The following VPS13D variants were observed in gnomAD, a reference collection of about 807,000 sequenced individuals.
VPS13D encodes intermembrane lipid transfer protein VPS13D.
In VPS13D, 187 loss-of-function variants were observed where a neutral mutation model predicts 461.9. The observed-to-expected ratio is 0.40, with a 90% CI of 0.36 to 0.46. VPS13D has a LOEUF of 0.46. Among genes scored for constraint, VPS13D ranks in the 20% least tolerant of loss-of-function variants. VPS13D has a pLI of 0.60. For synonymous variants in VPS13D, 1,951 were observed against 1,986.3 expected (o/e 0.98, Z 0.47); for missense variants, 4,711 against 5,364.9 (o/e 0.88, Z 3.81).
intron 65 of VPS13D, among the ~76,000 whole-genome samples, chr1:12,436,175 A>C (rs1645057887): frequency 6.6e-6 from 1 of 152,212 alleles, no homozygotes; most frequent in Non-Finnish European, 1.5e-5. Flanking sequence ...ACTTGCAGTC[A>C]CACACATGTG....
At chr1:12,292,719 G>A (rs1406516662) in intron 23 of VPS13D, among the ~76,000 whole-genome samples, 3 of 152,064 alleles carry the variant, frequency 2.0e-5, no homozygotes, top group South Asian at 2.1e-4. Context: ...GATTACAGGC[G>A]TGAGCCACCG....
rs577527852 is a variant in VPS13D, at chr1:12,319,587, G to A, written c.7505G>A (p.Arg2502Gln). The change falls in exon 32 of 70, where the codon CGG becomes CAG. Residue 2502 changes from arginine (R) to glutamine (Q), a missense_variant. Arg to Gln is a conservative substitution (Grantham distance 43). Around this residue, in one of 3 missense-constraint regions of VPS13D, gnomAD observed 4,411 missense variants for 4,937.8 expected, o/e 0.89. Coordinates refer to ENST00000620676, the MANE Select transcript of VPS13D (RefSeq NM_015378.4). ...KGTTVLTYKP[R>Q]FVDRPFSGSL... ...ACCACAGTGCTCACCTATAAGCCCCGGTTTGTTGATCGCCCCTTTTCAGGA... is the reference window on the plus strand; with the variant it reads ...ACCACAGTGCTCACCTATAAGCCCCAGTTTGTTGATCGCCCCTTTTCAGGA... The A allele has an allele frequency of 2.2e-5, 36 of 1,614,170 alleles. 1 individual carries two copies. Among genetic ancestry groups the A allele is most frequent in the African/African-American group, 5.3e-5 (4 of 75,052 alleles).
intron 60 of VPS13D, among the ~76,000 whole-genome samples, chr1:12,399,770 G>T (rs1339447122): frequency 6.6e-6 from 1 of 150,790 alleles, no homozygotes; most frequent in Non-Finnish European, 1.5e-5. Context: ...AGTGAGCCAA[G>T]ATTCCGCCAC....
rs1408079917 is a variant in VPS13D at position 12,427,592 on chromosome 1, GGTAAA to G, written c.12333+10770_12333+10774del. On this transcript the variant is annotated intron_variant, in intron 65 of 69. Transcript: ENST00000620676. Reference sequence around the variant, plus strand: ...ACAGCTATTTACATAGCATTTACATGGTAAAGTAATGTGTTATAAGTAATCTAGTG... The same window carrying G: ...ACAGCTATTTACATAGCATTTACATGGTAATGTGTTATAAGTAATCTAGTG... Among the ~76,000 whole-genome samples the G allele has an allele frequency of 9.9e-5, 15 of 152,064 alleles. No homozygotes were observed. The East Asian group carries it at 2.7e-3, about 27-fold the overall frequency.
intron 31 of VPS13D, 26 bp from the exon 32 acceptor site, chr1:12,319,471 T>C: frequency 1.9e-6 from 3 of 1,613,650 alleles, no homozygotes; most frequent in Non-Finnish European, 2.5e-6. Context: ...CAGCTCTGGC[T>C]TGATTGACGA....
intron 7 of VPS13D, 104 bp downstream of exon 7, chr1:12,253,930 C>G: frequency 2.4e-6 from 2 of 833,844 alleles, no homozygotes; most frequent in Non-Finnish European, 4.0e-6. Flanking sequence ...GATTCCAGTT[C>G]CCACCCACTG....
At chr1:12,313,979 A>T in intron 29 of VPS13D, 136 bp from the exon 30 acceptor site, 2 of 727,610 alleles carry the variant, frequency 2.7e-6, no homozygotes, top group Non-Finnish European at 4.5e-6. Context: ...TCAACAAGAA[A>T]ACTCAGAATG....
rs1391269502 is a variant in VPS13D at position 12,321,981 on chromosome 1, T to C, written c.7704+17T>C. Reference sequence around the variant, plus strand: ...GTCCTGGAGGTAATGATGCAAAATCTGTGCAATACGTTGATATGCTCTCAA... The same window carrying C: ...GTCCTGGAGGTAATGATGCAAAATCCGTGCAATACGTTGATATGCTCTCAA... On this transcript the variant is annotated intron_variant, in intron 33 of 69. Coordinates refer to ENST00000620676, the MANE Select transcript of VPS13D (RefSeq NM_015378.4). The C allele has an allele frequency of 6.2e-7, 1 of 1,612,750 alleles. No individual in the cohort carries two copies.
At chr1:12,378,395 C>A in intron 55 of VPS13D, 33 bp from the exon 56 acceptor site, 5 of 1,547,664 alleles carry the variant, frequency 3.2e-6, no homozygotes, top group Non-Finnish European at 4.4e-6. Context: ...CCCATAATGG[C>A]TCTTTCTCTT....
intron 21 of VPS13D, among the ~76,000 whole-genome samples, chr1:12,286,881 G>A (rs1641989443): frequency 6.6e-6 from 1 of 152,100 alleles, no homozygotes; most frequent in Non-Finnish European, 1.5e-5. Context: ...ATCTTTTTGA[G>A]ACAGGGTCTT....
chr1:12,337,988 G>GA (rs76484186), intron 39 of VPS13D: 18,064 of 296,544 alleles, frequency 0.061, 140 homozygotes, highest in Admixed American at 0.14. Flanking sequence ...TCTAATTCAG[G>GA]AAAAAAAAAA....
chr1:12,393,443 G>A (rs763356419), intron 60 of VPS13D, among the ~76,000 whole-genome samples: 1 of 152,234 alleles, frequency 6.6e-6, no homozygotes, highest in Non-Finnish European at 1.5e-5. Flanking sequence ...GTCAGTGGCT[G>A]CATACCAGGT....
chr1:12,266,251 G>A (rs554604169), intron 13 of VPS13D, among the ~76,000 whole-genome samples: 1 of 152,330 alleles, frequency 6.6e-6, no homozygotes, highest in East Asian at 1.9e-4. Context: ...GGGTTTGAGA[G>A]GATTGACTGT....
At chr1:12,246,005 C>T (rs1640540145) in intron 5 of VPS13D, among the ~76,000 whole-genome samples, 1 of 152,174 alleles carries the variant, frequency 6.6e-6, no homozygotes, top group Non-Finnish European at 1.5e-5. Context: ...AGCTGGACCT[C>T]AGAGCAATGA....
intron 67 of VPS13D, among the ~76,000 whole-genome samples, chr1:12,467,321 G>A (rs1243049640): frequency 1.3e-5 from 2 of 152,158 alleles, no homozygotes; most frequent in Admixed American, 6.5e-5. Context: ...GCAGGCGCAC[G>A]CCACCTCGCC....
chr1:12,472,148 G>T (rs1269800304), intron 67 of VPS13D, among the ~76,000 whole-genome samples: 1 of 151,816 alleles, frequency 6.6e-6, no homozygotes, highest in Admixed American at 6.6e-5. Flanking sequence ...TATTTGTTTT[G>T]GTCTTTTTCT....
Position 12,290,989 on chromosome 1 carries a change from C to T in VPS13D, c.5726-9C>T. On this transcript the variant is annotated splice_polypyrimidine_tract_variant and intron_variant, in intron 22 of 69. Transcript: ENST00000620676. ...ACATAGTAATGTGTTCTAACTTTAT[C>T]ATCCCTAGAGGGAGACCTGGCCTTA... 1 of 1,596,542 alleles carries T rather than the reference C, an allele frequency of 6.3e-7. No individual in the cohort carries two copies. The highest frequency in any genetic ancestry group is 1.1e-5 in the South Asian group (1 of 86,992).
chr1:12,231,304 C>T (rs774956663), intron 1 of VPS13D, among the ~76,000 whole-genome samples: 16 of 152,216 alleles, frequency 1.1e-4, no homozygotes, highest in Non-Finnish European at 1.6e-4. Flanking sequence ...ACACTGAATT[C>T]CTTCAGGGAA....
chr1:12,233,666 C>A (rs1368167533), intron 1 of VPS13D, among the ~76,000 whole-genome samples: 1 of 152,158 alleles, frequency 6.6e-6, no homozygotes, highest in Non-Finnish European at 1.5e-5. Context: ...AGTGACTATT[C>A]CCTGAAGCAG....
Sources: allele counts gnomAD v4.1 joint callset (sites outside exome capture counted in the v4.1 genomes callset), GRCh38; gene constraint gnomAD v4.1.1; regional missense constraint gnomAD v4.1.1; transcripts MANE v1.5; gene names NCBI Gene and HGNC (gene_info 2026-07-23, HGNC 2026-07-21).